Variants in CREBBP observed in about 807,000 individuals in gnomAD.
CREBBP encodes CREB-binding protein.
Under a neutral mutation model 265.0 loss-of-function variants are expected in CREBBP, and 19 were observed. The ratio of observed to expected loss-of-function variants is 0.07; its 90% CI spans 0.05 to 0.11. The LOEUF (loss-of-function observed/expected upper bound fraction) is 0.11, where lower values mean the gene tolerates loss of function less well. Ranked by LOEUF, CREBBP falls within the 10% of genes least tolerant of loss-of-function variation. The pLI is 1.00. For synonymous variants in CREBBP, 1,457 were observed against 1,223.7 expected, an observed-to-expected ratio of 1.19 and a Z score of -3.98; for missense variants, 2,525 against 3,219.0, an observed-to-expected ratio of 0.78 and a Z score of 5.22.
chr16:3,767,707 A>G lies in CREBBP; in HGVS notation c.3250+13T>C, dbSNP rs1475290715. ...GCAGCATGCTTTAATAAGGTAATGA[A>G]TAAATGGCCTACTTTTTTTGCGCGG... On this transcript the variant is annotated intron_variant, in intron 16 of 30. Coordinates refer to ENST00000262367, the MANE Select transcript of CREBBP (RefSeq NM_004380.3). 6.2e-7 allele frequency: 1 copy of G among 1,614,272 alleles called. No individual in the cohort carries two copies. Among genetic ancestry groups the G allele is most frequent in the East Asian group, 2.2e-5 (1 of 44,892 alleles).
At position 3,880,135 on chromosome 16, in the gene CREBBP, C is replaced by G. The variant is rs1325744040; in HGVS notation, c.-219G>C. 6.4e-6 allele frequency: 1 copy of G among 157,394 alleles called. No individual in the cohort carries two copies. The highest frequency in any genetic ancestry group is 2.5e-5 in the African/African-American group (1 of 40,760). The allele number at this position is 157,394 out of a possible 1,614,324, so 9.7% of individuals were successfully genotyped here. On this transcript the variant is annotated 5_prime_UTR_variant, in exon 1 of 31. Transcript: ENST00000262367. Reference sequence around the variant, plus strand: ...GCGCCCCGCAGCGCTCACCGCCCGCCCCCGGCCGCCGCCGCCGCCGCCGGC... The same window carrying G: ...GCGCCCCGCAGCGCTCACCGCCCGCGCCCGGCCGCCGCCGCCGCCGCCGGC...
chr16:3,744,107 G>A (rs2052282983), intron 23 of CREBBP, among the ~76,000 whole-genome samples: 2 of 152,140 alleles, frequency 1.3e-5, no homozygotes, highest in African/African-American at 4.8e-5. Flanking sequence ...CTCATGCAAA[G>A]TTACTTCTAG....
chr16:3,846,846 G>C (rs1678213349), intron 2 of CREBBP, among the ~76,000 whole-genome samples: 1 of 152,138 alleles, frequency 6.6e-6, no homozygotes, highest in African/African-American at 2.4e-5. Flanking sequence ...GTTGCCTTTG[G>C]TGAGAATTTG....
intron 16 of CREBBP, among the ~76,000 whole-genome samples, chr16:3,759,679 G>C (rs2052667899): frequency 1.3e-5 from 2 of 152,018 alleles, no homozygotes; most frequent in African/African-American, 4.8e-5. Context: ...CAGGCCACTG[G>C]AGACAAACGG....
At chr16:3,875,490 G>A (rs777574459) in intron 1 of CREBBP, among the ~76,000 whole-genome samples, 7 of 152,100 alleles carry the variant, frequency 4.6e-5, no homozygotes, top group Non-Finnish European at 1.5e-5. Context: ...AGAACCAGAG[G>A]GAAAAGGGGG....
chr16:3,772,328 AAC>A (rs34060381), intron 13 of CREBBP, among the ~76,000 whole-genome samples: 46,216 of 145,070 alleles, frequency 0.32, 7,235 homozygotes, highest in East Asian at 0.37. Flanking sequence ...CTGAAACACA[AAC>A]ACACACACAC....
chr16:3,759,131 C>T (rs143735875), intron 16 of CREBBP, among the ~76,000 whole-genome samples, 159 bp from the exon 17 acceptor site: 142 of 152,326 alleles, frequency 9.3e-4, no homozygotes, highest in Admixed American at 3.9e-3. Context: ...ACTAAAGCTT[C>T]TGAAAACACA....
chr16:3,766,521 A>G (rs539039318), intron 16 of CREBBP, among the ~76,000 whole-genome samples: 1 of 152,064 alleles, frequency 6.6e-6, no homozygotes, highest in Non-Finnish European at 1.5e-5. Flanking sequence ...AATATTTAAA[A>G]ATTTTTCTCT....
chr16:3,812,123 G>A (rs900073739), intron 2 of CREBBP, among the ~76,000 whole-genome samples: 2 of 151,994 alleles, frequency 1.3e-5, no homozygotes, highest in African/African-American at 4.8e-5. Flanking sequence ...AGCAGTAGGC[G>A]ATGGGTACAG....
At chr16:3,838,746 G>T (rs1389320645) in intron 2 of CREBBP, among the ~76,000 whole-genome samples, 1 of 152,116 alleles carries the variant, frequency 6.6e-6, no homozygotes, top group Non-Finnish European at 1.5e-5. Context: ...ATAGGATTTT[G>T]ATCTGTTGCC....
At chr16:3,834,255 G>A (rs1455512325) in intron 2 of CREBBP, among the ~76,000 whole-genome samples, 2 of 152,290 alleles carry the variant, frequency 1.3e-5, no homozygotes, top group South Asian at 2.1e-4. Flanking sequence ...TCCAGCAATT[G>A]TGCTCACTGG....
At position 3,780,673 on chromosome 16, in the gene CREBBP, C is replaced by A; in HGVS notation, c.1823+59G>T. On this transcript the variant is annotated intron_variant, in intron 8 of 30. Coordinates refer to ENST00000262367, the MANE Select transcript of CREBBP (RefSeq NM_004380.3). ...CTCCTAGGGTACTGTCATCTGGTAG[C>A]CAATGGGCAACACAGGAATAAAATC... 8 of 1,584,872 alleles carry A rather than the reference C, an allele frequency of 5.0e-6. 1 individual carries two copies. In the South Asian group the frequency reaches 7.8e-5, roughly 16 times the overall value.
intron 13 of CREBBP, among the ~76,000 whole-genome samples, chr16:3,771,535 C>T (rs1438233532): frequency 2.0e-5 from 3 of 152,092 alleles, no homozygotes; most frequent in Admixed American, 6.5e-5. Context: ...GGCTTAAACA[C>T]ACACATCTAC....
Position 3,727,943 on chromosome 16 carries a change from C to A in CREBBP, c.7104G>T (p.Gln2368His). Residue 2368 changes from glutamine to histidine, a missense_variant, in exon 31 of 31, where the codon CAG becomes CAT. Physicochemically the swap from Gln to His is conservative, Grantham distance 24. Coordinates refer to ENST00000262367, the MANE Select transcript of CREBBP (RefSeq NM_004380.3). ...PPHSSPSPRIQPQPSPHHVSP... is the reference protein window; with the variant it reads ...PPHSSPSPRIHPQPSPHHVSP... ...AGACGTGGTGTGGCGAAGGCTGGGG[C>A]TGTATCCGTGGTGACGGGCTGGAAT... 6.2e-7 allele frequency: 1 copy of A among 1,608,084 alleles called. No homozygotes were observed. Among genetic ancestry groups the A allele is most frequent in the Non-Finnish European group, 8.5e-7 (1 of 1,175,924 alleles).
intron 5 of CREBBP, among the ~76,000 whole-genome samples, chr16:3,788,844 C>G (rs117881181): frequency 0.02 from 3,072 of 152,202 alleles, 55 homozygotes; most frequent in South Asian, 0.063. Flanking sequence ...CCCAGGTACT[C>G]AGGAGGCTGA....
chr16:3,736,974 G>C (rs1031632577), intron 26 of CREBBP, 159 bp from the exon 27 acceptor site: 8 of 869,644 alleles, frequency 9.2e-6, no homozygotes, highest in South Asian at 7.4e-5. Context: ...GGCAAGGCTC[G>C]AACTTTATCC....
intron 30 of CREBBP, among the ~76,000 whole-genome samples, chr16:3,730,081 A>T (rs938601968): frequency 3.6e-5 from 5 of 138,890 alleles, no homozygotes; most frequent in Non-Finnish European, 7.4e-5. Flanking sequence ...ACGGGATGGG[A>T]TCATGGACAA....
chr16:3,813,443 C>T (rs567692462), intron 2 of CREBBP, among the ~76,000 whole-genome samples: 11 of 152,300 alleles, frequency 7.2e-5, no homozygotes, highest in African/African-American at 2.4e-4. Context: ...TTAATTGAAG[C>T]AGGAATTTAT....
In CREBBP at chr16:3,757,740, A is replaced by G. The variant is rs549056791; in HGVS notation, c.3609+69T>C. The G allele has an allele frequency of 1.9e-6, 3 of 1,601,682 alleles. No homozygotes were observed. The South Asian group carries it at 3.3e-5, about 18-fold the overall frequency. ...TCCCAGTATACAGGCGTGGTCTCAT[A>G]TTAGTATAACACCCCTCTGGCTGGA... On this transcript the variant is annotated intron_variant, in intron 18 of 30. Transcript: ENST00000262367.
Sources: gnomAD v4.1 joint callset for allele counts (sites outside exome capture counted in the v4.1 genomes callset) on GRCh38, gnomAD v4.1.1 for gene constraint, MANE v1.5 for transcripts, NCBI Gene and HGNC (gene_info 2026-07-23, HGNC 2026-07-21) for gene names.